The following TENM3 variants were observed in gnomAD, a reference collection of about 807,000 sequenced individuals.
TENM3 encodes teneurin transmembrane protein 3.
In TENM3, 63 loss-of-function variants were observed where a neutral mutation model predicts 255.1. The ratio of observed to expected loss-of-function variants is 0.25; its 90% CI spans 0.20 to 0.30. The LOEUF (loss-of-function observed/expected upper bound fraction) is 0.30. TENM3 is among the 10% of genes least tolerant of loss of function. The pLI, the probability that TENM3 is intolerant of heterozygous loss-of-function variation, is 1.00. For missense variants in TENM3, 2,929 were observed against 3,461.1 expected (o/e 0.85, Z 3.86); for synonymous variants, 1,306 against 1,322.3 (o/e 0.99, Z 0.27).
intron 13 of TENM3, among the ~76,000 whole-genome samples, chr4:182,727,077 A>G (rs1355282987): frequency 1.3e-5 from 2 of 152,224 alleles, no homozygotes; most frequent in Non-Finnish European, 2.9e-5. Flanking sequence ...CTATTTTGTC[A>G]GTTCTCCTAA....
chr4:181,721,587 G>A, the TENM3 span, among the ~76,000 whole-genome samples: 1 of 27,234 alleles, frequency 3.7e-5, no homozygotes, highest in Non-Finnish European at 8.0e-5. Flanking sequence ...GCGACAGAGC[G>A]AGACTCCGTC....
intron 3 of TENM3, among the ~76,000 whole-genome samples, chr4:182,572,646 C>T (rs1049466166): frequency 2.0e-5 from 3 of 152,166 alleles, no homozygotes; most frequent in Admixed American, 6.5e-5. Flanking sequence ...ATATATCAGT[C>T]ACTTCTATTT....
chr4:182,523,983 G>A (rs889174911), intron 3 of TENM3, among the ~76,000 whole-genome samples: 31 of 152,114 alleles, frequency 2.0e-4, no homozygotes, highest in Non-Finnish European at 4.4e-4. Context: ...CCAGTTTAGA[G>A]GGAAGAATTT....
the TENM3 span, among the ~76,000 whole-genome samples, chr4:181,703,959 G>C: frequency 6.6e-6 from 1 of 152,136 alleles, no homozygotes; most frequent in Non-Finnish European, 1.5e-5. Flanking sequence ...ATAAAGGCTT[G>C]TCCCAGGCAT....
the TENM3 span, among the ~76,000 whole-genome samples, chr4:181,465,202 CT>C: frequency 6.6e-6 from 1 of 150,886 alleles, no homozygotes; most frequent in Non-Finnish European, 1.5e-5. Context: ...TGTACCCATC[CT>C]TTTTTAAAAC....
chr4:182,619,719 A>T (rs1294056051), intron 4 of TENM3, among the ~76,000 whole-genome samples: 1 of 152,192 alleles, frequency 6.6e-6, no homozygotes, highest in Non-Finnish European at 1.5e-5. Flanking sequence ...GACCTTCTGC[A>T]CCAGCTGTCT....
At chr4:181,530,807 G>A in the TENM3 span, among the ~76,000 whole-genome samples, 1 of 152,142 alleles carries the variant, frequency 6.6e-6, no homozygotes, top group African/African-American at 2.4e-5. Context: ...ATGTGTGTGC[G>A]TGCATGTGCA....
chr4:182,082,445 A>G, the TENM3 span, among the ~76,000 whole-genome samples: 1 of 152,238 alleles, frequency 6.6e-6, no homozygotes, highest in African/African-American at 2.4e-5. Flanking sequence ...AATAATGTAC[A>G]TTCATGTACT....
the TENM3 span, among the ~76,000 whole-genome samples, chr4:182,129,255 A>G: frequency 3.3e-5 from 5 of 152,202 alleles, no homozygotes; most frequent in Non-Finnish European, 5.9e-5. Context: ...TACTACCTAC[A>G]TATATTTAGC....
the TENM3 span, among the ~76,000 whole-genome samples, chr4:182,098,963 C>CTTTT: frequency 7.6e-6 from 1 of 131,230 alleles, no homozygotes; most frequent in Non-Finnish European, 1.6e-5. Flanking sequence ...CTCTTTTTTT[C>CTTTT]TTTTTTTTTT....
the TENM3 span, among the ~76,000 whole-genome samples, chr4:182,119,667 A>G: frequency 6.6e-6 from 1 of 152,076 alleles, no homozygotes; most frequent in Admixed American, 6.6e-5. Context: ...GGAGACTTCT[A>G]AGCTCCTTAA....
chr4:182,020,789 A>G, the TENM3 span, among the ~76,000 whole-genome samples: 1 of 152,172 alleles, frequency 6.6e-6, no homozygotes, highest in East Asian at 1.9e-4. Context: ...TCCCAGGACA[A>G]TACTCAAAAC....
At chr4:182,457,370 T>A (rs183061132) in intron 3 of TENM3, among the ~76,000 whole-genome samples, 3 of 152,186 alleles carry the variant, frequency 2.0e-5, no homozygotes, top group East Asian at 3.9e-4. Flanking sequence ...ATTTATTATT[T>A]ACTGAAAGAT....
chr4:181,562,668 A>T, the TENM3 span, among the ~76,000 whole-genome samples: 5 of 149,470 alleles, frequency 3.3e-5, no homozygotes, highest in African/African-American at 9.9e-5. Context: ...GAACAAATAG[A>T]TTCTTCTTAA....
the TENM3 span, among the ~76,000 whole-genome samples, chr4:181,678,723 A>G: frequency 6.6e-6 from 1 of 151,926 alleles, no homozygotes; most frequent in Non-Finnish European, 1.5e-5. Context: ...ATATATATAT[A>G]CTTTTGCTTA....
chr4:181,662,988 C>A, the TENM3 span, among the ~76,000 whole-genome samples: 3 of 152,134 alleles, frequency 2.0e-5, no homozygotes, highest in South Asian at 2.1e-4. Context: ...ATACCCGGAG[C>A]TTAGAACTTG....
At chr4:182,600,822 T>C (rs553384870) in intron 3 of TENM3, 102 bp from the exon 4 acceptor site, 1 of 560,392 alleles carries the variant, frequency 1.8e-6, no homozygotes, top group South Asian at 4.0e-5. Context: ...TTTTTAATTC[T>C]AATTCATCTG....
the TENM3 span, among the ~76,000 whole-genome samples, chr4:181,530,905 T>A: frequency 0.044 from 6,767 of 152,270 alleles, 234 homozygotes; most frequent in South Asian, 0.16. Context: ...CTTTGGAAGC[T>A]GACACCTGCA....
At chr4:182,235,770 C>T (rs957066970) in intron 1 of TENM3, among the ~76,000 whole-genome samples, 1 of 152,144 alleles carries the variant, frequency 6.6e-6, no homozygotes, top group Non-Finnish European at 1.5e-5. Context: ...AAAACCCTGG[C>T]GTTAGGAAGG....
Sources: allele counts gnomAD v4.1 joint callset (sites outside exome capture counted in the v4.1 genomes callset), GRCh38; gene constraint gnomAD v4.1.1; transcripts MANE v1.5; gene names NCBI Gene and HGNC (gene_info 2026-07-23, HGNC 2026-07-21).